The following MMP16 variants were observed in gnomAD, a reference collection of about 807,000 sequenced individuals.
The protein encoded by MMP16 is matrix metallopeptidase 16, also known as matrix metalloproteinase-16.
Under a neutral mutation model 67.8 loss-of-function variants are expected in MMP16, and 12 were observed. The ratio of observed to expected loss-of-function variants is 0.18; its 90% CI spans 0.11 to 0.29. MMP16 has a LOEUF of 0.29. MMP16 is among the 10% of genes least tolerant of loss of function. The pLI, the probability that MMP16 is intolerant of heterozygous loss-of-function variation, is 1.00. For missense variants in MMP16, 475 were observed against 765.7 expected, an observed-to-expected ratio of 0.62 and a Z score of 4.48; for synonymous variants, 249 against 255.9, an observed-to-expected ratio of 0.97 and a Z score of 0.26.
chr8:88,226,647 T>A (rs376250435), intron 1 of MMP16, among the ~76,000 whole-genome samples: 9 of 152,166 alleles, frequency 5.9e-5, no homozygotes, highest in African/African-American at 2.2e-4. Context: ...TAGGAATGTA[T>A]TTTTCTCATA....
At chr8:88,206,289 G>C (rs966074004) in intron 1 of MMP16, among the ~76,000 whole-genome samples, 4 of 152,006 alleles carry the variant, frequency 2.6e-5, no homozygotes, top group African/African-American at 4.8e-5. Context: ...ATATAGAAAA[G>C]TCCTCAAATA....
At chr8:88,070,481 C>A (rs969999601) in intron 7 of MMP16, among the ~76,000 whole-genome samples, 1 of 152,068 alleles carries the variant, frequency 6.6e-6, no homozygotes, top group African/African-American at 2.4e-5. Flanking sequence ...CTGATTGGTT[C>A]CTTTTCTAGA....
At chr8:88,159,023 A>G (rs1808565610) in intron 4 of MMP16, among the ~76,000 whole-genome samples, 1 of 152,036 alleles carries the variant, frequency 6.6e-6, no homozygotes, top group African/African-American at 2.4e-5. Context: ...CCATTTGTCT[A>G]TATCTCTGTT....
At chr8:88,244,500 T>C (rs1810080651) in intron 1 of MMP16, among the ~76,000 whole-genome samples, 1 of 152,180 alleles carries the variant, frequency 6.6e-6, no homozygotes, top group Non-Finnish European at 1.5e-5. Flanking sequence ...TCATAATACA[T>C]GTAACAGTTT....
At chr8:88,259,370 T>G (rs1810352419) in intron 1 of MMP16, among the ~76,000 whole-genome samples, 1 of 152,108 alleles carries the variant, frequency 6.6e-6, no homozygotes, top group South Asian at 2.1e-4. Flanking sequence ...TAGAACAAAA[T>G]GACAATGTTC....
At chr8:88,178,938 T>C (rs1808935905) in intron 3 of MMP16, among the ~76,000 whole-genome samples, 1 of 151,820 alleles carries the variant, frequency 6.6e-6, no homozygotes, top group African/African-American at 2.4e-5. Flanking sequence ...AGTAAATGCA[T>C]TGAAGCAGAA....
chr8:88,204,422 T>C (rs2030346), intron 1 of MMP16, among the ~76,000 whole-genome samples: 35,744 of 151,990 alleles, frequency 0.24, 5,674 homozygotes, highest in East Asian at 0.53. Context: ...TAAACTGATC[T>C]TGAAATTGCT....
In MMP16 at chr8:88,146,733, T is replaced by C. The variant is rs180746167; in HGVS notation, c.709+20936A>G. Among the ~76,000 whole-genome samples, 611 of 151,972 alleles carry C rather than the reference T, an allele frequency of 4.0e-3. 13 individuals are homozygous for C. Among genetic ancestry groups the C allele is most frequent in the Admixed American group, 0.037 (569 of 15,258 alleles). ...CAATTATGGCATGAAAACATTCTGG[T>C]ATATATGTACTAACGTACAGGGGCA... On this transcript the variant is annotated intron_variant, in intron 4 of 9. Coordinates refer to ENST00000286614, the MANE Select transcript of MMP16 (RefSeq NM_005941.5).
chr8:88,200,516 C>T (rs1809326785), intron 1 of MMP16, among the ~76,000 whole-genome samples: 1 of 151,924 alleles, frequency 6.6e-6, no homozygotes, highest in Admixed American at 6.6e-5. Context: ...AACCAATTTC[C>T]AGCACTTAGT....
chr8:88,249,963 C>T (rs1307027486), intron 1 of MMP16, among the ~76,000 whole-genome samples: 1 of 152,042 alleles, frequency 6.6e-6, no homozygotes, highest in African/African-American at 2.4e-5. Context: ...AAATATTTTA[C>T]TTGTTTTATT....
chr8:88,131,142 T>C (rs1330131018), intron 4 of MMP16, among the ~76,000 whole-genome samples: 1 of 151,630 alleles, frequency 6.6e-6, no homozygotes, highest in East Asian at 1.9e-4. Context: ...AGATAGCGCT[T>C]TTAGAAATAA....
intron 3 of MMP16, among the ~76,000 whole-genome samples, chr8:88,176,177 C>T (rs1808887421): frequency 6.6e-6 from 1 of 152,038 alleles, no homozygotes; most frequent in South Asian, 2.1e-4. Context: ...GCATTCAAAC[C>T]CAGGTTTTTC....
intron 7 of MMP16, among the ~76,000 whole-genome samples, chr8:88,056,566 C>T (rs1808335714): frequency 1.3e-5 from 2 of 151,844 alleles, no homozygotes; most frequent in Admixed American, 1.3e-4. Flanking sequence ...ATAACTTTGC[C>T]ATAAAGAAAC....
intron 7 of MMP16, among the ~76,000 whole-genome samples, chr8:88,066,203 C>A (rs563928734): frequency 3.9e-5 from 6 of 152,124 alleles, no homozygotes; most frequent in Non-Finnish European, 7.4e-5. Flanking sequence ...GAGATTGCAC[C>A]AGCTCAATTT....
chr8:88,167,724 T>C lies in MMP16; in HGVS notation c.654A>G (p.Gly218=). 1.9e-6 allele frequency: 3 copies of C among 1,613,976 alleles called. No homozygotes were observed. Among genetic ancestry groups the C allele is most frequent in the Non-Finnish European group, 2.5e-6 (3 of 1,179,926 alleles). The change falls in exon 4 of 10, where the codon GGA becomes GGG. Residue 218 remains glycine (G), a synonymous_variant. Coordinates refer to ENST00000286614, the MANE Select transcript of MMP16 (RefSeq NM_005941.5). ...HAYFPGPGIG[G]DTHFDSDEPW... Reference sequence around the variant, plus strand: ...GCTCATCTGAGTCAAAATGGGTATCTCCTCCAATTCCTGGTCCAGGGAAGT... The same window carrying C: ...GCTCATCTGAGTCAAAATGGGTATCCCCTCCAATTCCTGGTCCAGGGAAGT...
At position 88,225,629 on chromosome 8, in the gene MMP16, A is replaced by G. The variant is rs577064627; in HGVS notation, c.133-28323T>C. 1.0e-3 allele frequency among the ~76,000 whole-genome samples: 158 copies of G among 152,044 alleles called. 1 individual carries two copies. Among genetic ancestry groups the G allele is most frequent in the South Asian group, 7.1e-3 (34 of 4,816 alleles). ...ACTTTGAATGTTTTCATCTTTGAAT[A>G]TTCATTGACCCATGCACACACCTAC... On this transcript the variant is annotated intron_variant, in intron 1 of 9. Transcript: ENST00000286614.
intron 1 of MMP16, among the ~76,000 whole-genome samples, chr8:88,308,713 T>C (rs1482312909): frequency 1.3e-5 from 2 of 152,110 alleles, no homozygotes; most frequent in Admixed American, 1.3e-4. Flanking sequence ...TTTGAAAGTT[T>C]TGAAATGCTG....
intron 3 of MMP16, among the ~76,000 whole-genome samples, chr8:88,180,850 G>A (rs961727394): frequency 2.6e-5 from 4 of 152,120 alleles, no homozygotes; most frequent in Non-Finnish European, 5.9e-5. Context: ...ATGTCAAATT[G>A]TGAATTATCC....
Position 88,314,290 on chromosome 8 carries a change from T to A in MMP16, c.132+12785A>T, listed in dbSNP as rs561410907. On this transcript the variant is annotated intron_variant, in intron 1 of 9. Coordinates refer to ENST00000286614, the MANE Select transcript of MMP16 (RefSeq NM_005941.5). ...CTTTTGGACATAAAGAATATAGTCA[T>A]AACAAATGTTTTAATATTTTTATCT... Among the ~76,000 whole-genome samples, 7 of 152,340 alleles carry A rather than the reference T, an allele frequency of 4.6e-5. 1 individual carries two copies. The South Asian group carries it at 1.5e-3, about 32-fold the overall frequency.
Sources: allele counts gnomAD v4.1 joint callset (sites outside exome capture counted in the v4.1 genomes callset), GRCh38; gene constraint gnomAD v4.1.1; transcripts MANE v1.5; gene names NCBI Gene and HGNC (gene_info 2026-07-23, HGNC 2026-07-21).